Variants in KRABD4 observed in about 807,000 individuals in gnomAD.
The protein encoded by KRABD4 is KRAB domain-containing protein 4.
At chrX:46,465,796 C>T in the KRABD4 span, among the ~76,000 whole-genome samples, 10 of 110,943 alleles carry the variant, frequency 9.0e-5, no homozygotes, top group East Asian at 2.8e-3. Context: ...AGATCCACTA[C>T]TTGAAATATC....
chrX:46,462,632 T>G, the KRABD4 span: 5,142 of 1,172,962 alleles, frequency 4.4e-3, 115 homozygotes, highest in African/African-American at 0.07. Flanking sequence ...CCTCACGCTC[T>G]TCATCTGTCA....
chrX:46,453,311 G>T, the KRABD4 span, among the ~76,000 whole-genome samples: 2 of 111,944 alleles, frequency 1.8e-5, no homozygotes, highest in Admixed American at 9.5e-5. Context: ...TTGAGTCTCC[G>T]TCTGGATGGA....
chrX:46,463,197 G>C, the KRABD4 span: 1 of 1,209,946 alleles, frequency 8.3e-7, no homozygotes, highest in Non-Finnish European at 1.1e-6. Flanking sequence ...CCCCCGAACA[G>C]GGTATCTAGT....
chrX:46,455,434 C>G, the KRABD4 span: 1 of 442,483 alleles, frequency 2.3e-6, no homozygotes, highest in Non-Finnish European at 4.1e-6. Context: ...TACCACTGTA[C>G]AGTATGGGTT....
chrX:46,463,328 G>A, the KRABD4 span: 23 of 1,193,064 alleles, frequency 1.9e-5, no homozygotes, highest in East Asian at 3.0e-5. Context: ...GCCGGGGAAA[G>A]GAGACCAGGT....
At chrX:46,456,517 C>G in the KRABD4 span, 14 of 201,621 alleles carry the variant, frequency 6.9e-5, no homozygotes, top group Admixed American at 7.5e-4. Context: ...GCTGCCATAT[C>G]TTCCAAGTGA....
chrX:46,457,416 G>A, the KRABD4 span, among the ~76,000 whole-genome samples: 4 of 111,470 alleles, frequency 3.6e-5, no homozygotes, highest in South Asian at 1.5e-3. Flanking sequence ...AATGAAAAAG[G>A]ATGAAAGAAG....
chrX:46,462,550 A>C, the KRABD4 span: 1 of 611,467 alleles, frequency 1.6e-6, no homozygotes. Context: ...GGGTGTGGGA[A>C]CCAGACCGTG....
the KRABD4 span, among the ~76,000 whole-genome samples, chrX:46,447,882 G>A: frequency 2.7e-5 from 3 of 110,858 alleles, no homozygotes; most frequent in Admixed American, 9.6e-5. Flanking sequence ...GAAACTCTGC[G>A]GGAGCTGGGA....
the KRABD4 span, chrX:46,457,150 T>C: frequency 3.3e-6 from 1 of 300,249 alleles, no homozygotes; most frequent in South Asian, 8.9e-5. Context: ...TAAGTACTGA[T>C]AAAGCGGAGA....
chrX:46,462,813 T>C, the KRABD4 span: 1 of 1,209,969 alleles, frequency 8.3e-7, no homozygotes, highest in Non-Finnish European at 1.1e-6. Context: ...AACTGGACTC[T>C]GCCCAGAAGA....
At chrX:46,461,638 G>A in the KRABD4 span, among the ~76,000 whole-genome samples, 1 of 111,902 alleles carries the variant, frequency 8.9e-6, no homozygotes, top group East Asian at 2.8e-4. Context: ...ATTAGTCTTT[G>A]CAAGGAATTG....
chrX:46,467,290 C>T, the KRABD4 span, among the ~76,000 whole-genome samples: 2 of 111,799 alleles, frequency 1.8e-5, no homozygotes, highest in Admixed American at 9.5e-5. Context: ...TGGTGCCTCA[C>T]GCCTGTAATC....
At chrX:46,455,700 A>G in the KRABD4 span, 1 of 381,772 alleles carries the variant, frequency 2.6e-6, no homozygotes. Flanking sequence ...CAAGTTGTAC[A>G]CTGCTGTGTG....
the KRABD4 span, chrX:46,463,367 G>A: frequency 1.2e-5 from 12 of 1,004,264 alleles, no homozygotes; most frequent in Admixed American, 2.5e-4. Flanking sequence ...CCTCTGGGAT[G>A]TGCTCAGGAG....
At chrX:46,459,922 C>T in the KRABD4 span, among the ~76,000 whole-genome samples, 1 of 111,888 alleles carries the variant, frequency 8.9e-6, no homozygotes, top group East Asian at 2.8e-4. Flanking sequence ...CATTCTGACA[C>T]CATCTACCTG....
At chrX:46,447,989 T>C in the KRABD4 span, among the ~76,000 whole-genome samples, 1 of 111,511 alleles carries the variant, frequency 9.0e-6, no homozygotes, top group Non-Finnish European at 1.9e-5. Flanking sequence ...GGCACAGCAG[T>C]CAGTCAGTTG....
At chrX:46,463,380 C>G in the KRABD4 span, 1 of 922,625 alleles carries the variant, frequency 1.1e-6, no homozygotes, top group Admixed American at 2.3e-5. Flanking sequence ...CTCAGGAGCC[C>G]TTCTCAGAGC....
the KRABD4 span, chrX:46,462,778 G>C: frequency 8.3e-7 from 1 of 1,211,753 alleles, no homozygotes; most frequent in Non-Finnish European, 1.1e-6. Flanking sequence ...CGTGTTTGTG[G>C]ACTTCACCCT....
Sources: gnomAD v4.1 joint callset for allele counts (sites outside exome capture counted in the v4.1 genomes callset) on GRCh38, gnomAD v4.1.1 for gene constraint, MANE v1.5 for transcripts, NCBI Gene and HGNC (gene_info 2026-07-23, HGNC 2026-07-21) for gene names.